The following IRS1 variants were observed in gnomAD, a reference collection of about 807,000 sequenced individuals.
IRS1 encodes insulin receptor substrate 1.
In IRS1, 34 loss-of-function variants were observed where a neutral mutation model predicts 65.6. The observed-to-expected ratio is 0.52, with a 90% CI of 0.39 to 0.69. The LOEUF (loss-of-function observed/expected upper bound fraction) is 0.69. Among genes scored for constraint, IRS1 ranks in the 30% least tolerant of loss-of-function variants. IRS1 has a pLI of 0.00. For synonymous variants in IRS1, 699 were observed against 683.5 expected, an observed-to-expected ratio of 1.02 and a Z score of -0.35; for missense variants, 1,641 against 1,720.2, an observed-to-expected ratio of 0.95 and a Z score of 0.81.
chr2:226,790,558 T>G (rs1160536399), intron 1 of IRS1, among the ~76,000 whole-genome samples: 1 of 152,214 alleles, frequency 6.6e-6, no homozygotes, highest in Admixed American at 6.5e-5. Flanking sequence ...TCTCTCCCAC[T>G]GCTCAGTAGC....
In IRS1 at chr2:226,731,453, C is replaced by T. The variant is rs1435777040; in HGVS notation, c.*4819G>A. The T allele has an allele frequency of 6.6e-6, 1 of 151,652 alleles. No homozygotes were observed. Among genetic ancestry groups the T allele is most frequent in the African/African-American group, 2.4e-5 (1 of 41,222 alleles). 9.4% of individuals were successfully genotyped at this position (151,652 alleles called of 1,614,324 possible). ...GATGAAGACACTACAATTCTAAGTA[C>T]CAGACAGAATCAGGAAAAAAAAAAT... On this transcript the variant is annotated 3_prime_UTR_variant, in exon 2 of 2. Transcript: ENST00000305123.
chr2:226,781,865 T>TACACACACACACACAC (rs34695433), intron 1 of IRS1, among the ~76,000 whole-genome samples: 4 of 131,596 alleles, frequency 3.0e-5, no homozygotes, highest in South Asian at 2.5e-4. Context: ...CACCCCTAAA[T>TACACACACACACACAC]ACACACACAC....
intron 1 of IRS1, among the ~76,000 whole-genome samples, chr2:226,741,688 C>T (rs1179055488): frequency 2.6e-5 from 4 of 151,970 alleles, no homozygotes; most frequent in Non-Finnish European, 5.9e-5. Flanking sequence ...TACAGTACCA[C>T]TAACTGGAAG....
At chr2:226,772,562 C>G (rs1411678895) in intron 1 of IRS1, among the ~76,000 whole-genome samples, 5 of 151,690 alleles carry the variant, frequency 3.3e-5, no homozygotes, top group Non-Finnish European at 7.4e-5. Flanking sequence ...TGAACAGTAG[C>G]GTATAATTTG....
rs1347622362 is a variant in IRS1, at chr2:226,796,549, A to T, written c.2190T>A (p.Gly730=). The T allele has an allele frequency of 1.2e-6, 2 of 1,613,880 alleles. No homozygotes were observed. Among genetic ancestry groups the T allele is most frequent in the African/African-American group, 2.7e-5 (2 of 74,898 alleles). ...CCACTGGTGACATGTTCATGTAGTC[A>T]CCTGTGCAAGGTAAGAGCTTACCAC... The part of the protein sequence containing the change: ...SSGGKLLPCT[G]DYMNMSPVGD... Residue 730 remains glycine, a synonymous_variant, in exon 1 of 2, where the codon GGT becomes GGA. Coordinates refer to ENST00000305123, the MANE Select transcript of IRS1 (RefSeq NM_005544.3).
rs909504466 is a variant in IRS1 at position 226,754,460 on chromosome 2, C to T, written c.*22-18210G>A. Among the ~76,000 whole-genome samples the T allele has an allele frequency of 5.3e-5, 8 of 152,300 alleles. No homozygotes were observed. In the South Asian group the frequency reaches 1.7e-3, roughly 32 times the overall value. The stretch of plus-strand genomic sequence containing the variant: ...AATATGCATTATTTCATTTCATTCT[C>T]GCCACGATCCTGAGACTGCATTATC... On this transcript the variant is annotated intron_variant, in intron 1 of 1. Coordinates refer to ENST00000305123, the MANE Select transcript of IRS1 (RefSeq NM_005544.3).
chr2:226,797,828 C>A lies in IRS1; in HGVS notation c.911G>T (p.Arg304Leu). 6.2e-7 allele frequency: 1 copy of A among 1,606,276 alleles called. No homozygotes were observed. The highest frequency in any genetic ancestry group is 8.5e-7 in the Non-Finnish European group (1 of 1,177,396). Residue 304 changes from arginine (R) to leucine (L), a missense_variant, in exon 1 of 2, where the codon CGC becomes CTC. Physicochemically the swap from Arg to Leu is moderately radical, Grantham distance 102 (BLOSUM62 -2). Around this residue, in one of 3 missense-constraint regions of IRS1, gnomAD observed 1,324 missense variants for 1,361.0 expected, o/e 0.97. Coordinates refer to ENST00000305123, the MANE Select transcript of IRS1 (RefSeq NM_005544.3). The surrounding 1 kb of genome is among the most constrained non-coding windows in gnomAD (Gnocchi z 8.1). ...GGAGGTGGCGGTGATGCTCTCAGTG[C>A]GTGATCGGCGGGTCAGCCCCACCTG... Reference protein sequence around the residue: ...PSQVGLTRRSRTESITATSPA... With the variant: ...PSQVGLTRRSLTESITATSPA...
At chr2:226,742,209 GA>G (rs2106158705) in intron 1 of IRS1, among the ~76,000 whole-genome samples, 1 of 152,304 alleles carries the variant, frequency 6.6e-6, no homozygotes, top group East Asian at 1.9e-4. Flanking sequence ...CTGAAGCTTG[GA>G]AAAGGAGAAA....
chr2:226,747,497 G>A (rs749114092), intron 1 of IRS1, among the ~76,000 whole-genome samples: 2 of 152,152 alleles, frequency 1.3e-5, no homozygotes, highest in Non-Finnish European at 2.9e-5. Flanking sequence ...ACCAGGGTCT[G>A]TGGTGCCTTG....
At chr2:226,766,758 T>C (rs776828525) in intron 1 of IRS1, among the ~76,000 whole-genome samples, 27 of 152,270 alleles carry the variant, frequency 1.8e-4, no homozygotes, top group Admixed American at 3.3e-4. Flanking sequence ...TATTTTTGTG[T>C]CTTCTGCTTC....
intron 1 of IRS1, among the ~76,000 whole-genome samples, chr2:226,782,150 G>A (rs75992938): frequency 3.9e-5 from 6 of 151,996 alleles, no homozygotes; most frequent in Admixed American, 6.6e-5. Flanking sequence ...GGTGGGTTAG[G>A]GGGGTGGACT....
intron 1 of IRS1, among the ~76,000 whole-genome samples, chr2:226,766,136 TATATATATATATATATATATATATATA>T (rs1939031145): frequency 1.1e-3 from 4 of 3,508 alleles, no homozygotes; most frequent in African/African-American, 2.6e-3. Context: ...TATATATATA[TATATATATATATATATATATATATATA>T]TTTTTTTTTT....
Position 226,799,365 on chromosome 2 carries a change from T to TTGCTGCTGCTGCTGCTGC in IRS1, c.-645_-628dup. The stretch of plus-strand genomic sequence containing the variant: ...GACCGCGGCGCTGCGGCTGTTGCTG[T>TTGCTGCTGCTGCTGCTGC]TGCTGCTGCTGCTGCTGCTGCTGCT... On this transcript the variant is annotated 5_prime_UTR_variant, in exon 1 of 2. Coordinates refer to ENST00000305123, the MANE Select transcript of IRS1 (RefSeq NM_005544.3). The surrounding 1 kb of genome is among the most constrained non-coding windows in gnomAD (Gnocchi z 6.1). 1.6e-6 allele frequency: 2 copies of TTGCTGCTGCTGCTGCTGC among 1,239,804 alleles called. No homozygotes were observed. The highest frequency in any genetic ancestry group is 2.1e-6 in the Non-Finnish European group (2 of 960,778). 76.8% of individuals were successfully genotyped at this position (1,239,804 alleles called of 1,614,324 possible).
In IRS1 at chr2:226,796,303, G is replaced by A. The variant is rs779258977; in HGVS notation, c.2436C>T (p.Ser812=). ...ATADDSSSST[S]SDSLGGGYCG... ...AGTATCCCCCACCCAGGCTGTCGCTGCTGGTGGAAGAGGAAGAATCATCTG... is the reference window on the plus strand; with the variant it reads ...AGTATCCCCCACCCAGGCTGTCGCTACTGGTGGAAGAGGAAGAATCATCTG... The change falls in exon 1 of 2, where the codon AGC becomes AGT. Residue 812 remains serine, a synonymous_variant. Transcript: ENST00000305123. 4 of 1,613,494 alleles carry A rather than the reference G, an allele frequency of 2.5e-6. No individual in the cohort carries two copies. The South Asian group carries it at 4.4e-5, about 18-fold the overall frequency.
chr2:226,768,801 T>A lies in IRS1; in HGVS notation c.*21+26188A>T, dbSNP rs112810579. 9.0e-3 allele frequency among the ~76,000 whole-genome samples: 1,374 copies of A among 152,252 alleles called. 9 individuals are homozygous for A. Among genetic ancestry groups the A allele is most frequent in the Non-Finnish European group, 0.014 (940 of 68,026 alleles). On this transcript the variant is annotated intron_variant, in intron 1 of 1. Transcript: ENST00000305123. ...ATAGGCGCCCCCCACCACGCCCGGC[T>A]AATTTTTGTATTTTTAGTAGAAACA...
In IRS1 at chr2:226,799,076, C is replaced by A; in HGVS notation, c.-338G>T. The A allele has an allele frequency of 8.0e-7, 1 of 1,255,570 alleles. No homozygotes were observed. Among genetic ancestry groups the A allele is most frequent in the Non-Finnish European group, 1.0e-6 (1 of 983,554 alleles). The allele number at this position is 1,255,570 out of a possible 1,614,324, so 77.8% of individuals were successfully genotyped here. Reference sequence around the variant, plus strand: ...GAAGGAGCGAAGATGCATCTCTCGTCGCCCCGGCTGGAGTCCGGCACAGGG... The same window carrying A: ...GAAGGAGCGAAGATGCATCTCTCGTAGCCCCGGCTGGAGTCCGGCACAGGG... On this transcript the variant is annotated 5_prime_UTR_variant, in exon 1 of 2. Coordinates refer to ENST00000305123, the MANE Select transcript of IRS1 (RefSeq NM_005544.3). The surrounding 1 kb of genome is among the most constrained non-coding windows in gnomAD (Gnocchi z 6.1).
In IRS1 at chr2:226,798,357, C is replaced by T. The variant is rs1382730133; in HGVS notation, c.382G>A (p.Gly128Arg). Residue 128 changes from glycine (G) to arginine (R), a missense_variant, in exon 1 of 2, where the codon GGG becomes AGG. This residue lies in a region of IRS1 where 240 missense variants were observed against 229.6 expected (regional missense o/e 1.05). Transcript: ENST00000305123. This position sits in a 1 kb window ranked among gnomAD's most constrained non-coding sequence, Gnocchi z 9.4. The part of the protein sequence containing the change: ...KGHHDGAAAL[G>R]AGGGGGSCSG... ...CAGCTGCCCCCACCACCTCCCGCCC[C>T]GAGGGCCGCAGCTCCGTCGTGGTGG... 6 of 1,613,476 alleles carry T rather than the reference C, an allele frequency of 3.7e-6. No individual in the cohort carries two copies. In the African/African-American group the frequency reaches 5.3e-5, roughly 14 times the overall value.
At chr2:226,774,952 A>T (rs1321479039) in intron 1 of IRS1, among the ~76,000 whole-genome samples, 1 of 152,232 alleles carries the variant, frequency 6.6e-6, no homozygotes, top group Non-Finnish European at 1.5e-5. Context: ...GGAAGGGTTG[A>T]ATAAGTGAAG....
intron 1 of IRS1, among the ~76,000 whole-genome samples, chr2:226,776,709 C>A (rs1378659971): frequency 6.6e-6 from 1 of 152,166 alleles, no homozygotes; most frequent in Non-Finnish European, 1.5e-5. Context: ...GAGTTCATGG[C>A]CAGTCTGGCC....
Sources: gnomAD v4.1 joint callset for allele counts (sites outside exome capture counted in the v4.1 genomes callset) on GRCh38, gnomAD v4.1.1 for gene constraint, gnomAD v4.1.1 regional missense constraint, Gnocchi (gnomAD v3.1) non-coding constraint, MANE v1.5 for transcripts, NCBI Gene and HGNC (gene_info 2026-07-23, HGNC 2026-07-21) for gene names.